Variants in GRM3 observed in about 807,000 individuals in gnomAD.
The protein encoded by GRM3 is metabotropic glutamate receptor 3.
Under a neutral mutation model 70.5 loss-of-function variants are expected in GRM3, and 26 were observed. That is an observed-to-expected ratio of 0.37 (90% CI 0.27 to 0.51). The LOEUF (loss-of-function observed/expected upper bound fraction) is 0.51. Ranked by LOEUF, GRM3 falls within the 20% of genes least tolerant of loss-of-function variation. GRM3 has a pLI of 0.93. For synonymous variants in GRM3, 443 were observed against 434.9 expected, an observed-to-expected ratio of 1.02 and a Z score of -0.23; for missense variants, 859 against 1,123.8, an observed-to-expected ratio of 0.76 and a Z score of 3.37.
intron 1 of GRM3, among the ~76,000 whole-genome samples, chr7:86,704,514 A>C (rs1447533139): frequency 6.6e-6 from 1 of 151,916 alleles, no homozygotes; most frequent in African/African-American, 2.4e-5. Context: ...GCAGTCTTTA[A>C]ATACTGTTCA....
At chr7:86,664,382 T>C (rs1584147924) in intron 1 of GRM3, among the ~76,000 whole-genome samples, 1 of 151,990 alleles carries the variant, frequency 6.6e-6, no homozygotes, top group African/African-American at 2.4e-5. Flanking sequence ...TTGATGTGTT[T>C]ACAGTTGTTC....
intron 2 of GRM3, among the ~76,000 whole-genome samples, chr7:86,767,514 CATATATATATATAT>C (rs3057233): frequency 0.038 from 3,771 of 100,094 alleles, 86 homozygotes; most frequent in South Asian, 0.077. Context: ...GGTCATACTT[CATATATATATATAT>C]ATATATATAT....
intron 1 of GRM3, among the ~76,000 whole-genome samples, chr7:86,682,811 C>T (rs1007541209): frequency 5.3e-5 from 8 of 152,044 alleles, no homozygotes; most frequent in Admixed American, 2.0e-4. Context: ...AGCAAGATTT[C>T]TTTTTTCAAA....
Position 86,670,499 on chromosome 7 carries a change from G to C in GRM3, c.-141+25627G>C, listed in dbSNP as rs564828581. 8.0e-4 allele frequency among the ~76,000 whole-genome samples: 122 copies of C among 152,224 alleles called. No homozygotes were observed. In the Middle Eastern group the frequency reaches 0.02, roughly 25 times the overall value. On this transcript the variant is annotated intron_variant, in intron 1 of 5. Coordinates refer to ENST00000361669, the MANE Select transcript of GRM3 (RefSeq NM_000840.3). Reference sequence around the variant, plus strand: ...TGGAAAGCCAAAAGAATTTCTGCCTGCATATCTTGAGTCCACAAATCCAAT... The same window carrying C: ...TGGAAAGCCAAAAGAATTTCTGCCTCCATATCTTGAGTCCACAAATCCAAT...
chr7:86,765,334 C>A lies in GRM3; in HGVS notation c.189C>A (p.Asp63Glu), dbSNP rs1306171048. 13 of 1,613,830 alleles carry A rather than the reference C, an allele frequency of 8.1e-6. No individual in the cohort carries two copies. The highest frequency in any genetic ancestry group is 1.1e-5 in the Non-Finnish European group (13 of 1,179,858). The change falls in exon 2 of 6, where the codon GAC becomes GAA. Residue 63 changes from aspartate (D) to glutamate (E), a missense_variant. Physicochemically the swap from Asp to Glu is conservative, Grantham distance 45. Transcript: ENST00000361669. Reference protein sequence around the residue: ...GTEECGRINEDRGIQRLEAML... With the variant: ...GTEECGRINEERGIQRLEAML... Reference sequence around the variant, plus strand: ...AAGAATGTGGGCGAATCAATGAAGACCGAGGGATTCAACGCCTGGAAGCCA... The same window carrying A: ...AAGAATGTGGGCGAATCAATGAAGAACGAGGGATTCAACGCCTGGAAGCCA...
At chr7:86,653,288 C>T (rs1223626143) in intron 1 of GRM3, among the ~76,000 whole-genome samples, 2 of 152,214 alleles carry the variant, frequency 1.3e-5, no homozygotes, top group Non-Finnish European at 2.9e-5. Context: ...AACGCAATCA[C>T]ATCGGGAGCT....
intron 1 of GRM3, among the ~76,000 whole-genome samples, chr7:86,663,598 TC>T (rs1456859568): frequency 1.3e-5 from 2 of 151,986 alleles, no homozygotes; most frequent in Non-Finnish European, 2.9e-5. Context: ...TTTATTAAAT[TC>T]AACTGAATTA....
chr7:86,704,563 G>A (rs2116120973), intron 1 of GRM3, among the ~76,000 whole-genome samples: 1 of 151,904 alleles, frequency 6.6e-6, no homozygotes, highest in South Asian at 2.1e-4. Flanking sequence ...TTAGTAGTTT[G>A]CAATACACCA....
intron 5 of GRM3, among the ~76,000 whole-genome samples, chr7:86,862,621 T>C (rs915676113): frequency 1.3e-5 from 2 of 152,162 alleles, no homozygotes; most frequent in Non-Finnish European, 2.9e-5. Flanking sequence ...AGAGTTAGCA[T>C]GTTGCATGAC....
chr7:86,709,348 T>C (rs1215672453), intron 1 of GRM3, among the ~76,000 whole-genome samples: 1 of 152,122 alleles, frequency 6.6e-6, no homozygotes, highest in African/African-American at 2.4e-5. Context: ...CCTACTCCAC[T>C]GCTTCATAGT....
intron 1 of GRM3, among the ~76,000 whole-genome samples, chr7:86,681,494 A>C (rs1461810324): frequency 1.3e-5 from 2 of 152,156 alleles, no homozygotes; most frequent in African/African-American, 4.8e-5. Flanking sequence ...ATAAGGAATG[A>C]ATATGCTCTT....
chr7:86,814,237 T>A (rs913977615), intron 3 of GRM3, among the ~76,000 whole-genome samples: 4 of 151,838 alleles, frequency 2.6e-5, no homozygotes, highest in African/African-American at 9.7e-5. Flanking sequence ...TCTTTTTTCT[T>A]TAATTTTATT....
chr7:86,788,477 C>T (rs2116559834), intron 3 of GRM3, among the ~76,000 whole-genome samples: 1 of 152,306 alleles, frequency 6.6e-6, no homozygotes. Context: ...ATGGATACCA[C>T]TTCTTATCAT....
chr7:86,694,557 AAAT>A (rs1286928089), intron 1 of GRM3, among the ~76,000 whole-genome samples: 1 of 151,548 alleles, frequency 6.6e-6, no homozygotes, highest in African/African-American at 2.4e-5. Context: ...GAAAGAAAGA[AAAT>A]AAAAAAAGAA....
chr7:86,810,296 T>C (rs1311490569), intron 3 of GRM3, among the ~76,000 whole-genome samples: 4 of 152,026 alleles, frequency 2.6e-5, no homozygotes, highest in South Asian at 2.1e-4. Context: ...ACAGTTGTGG[T>C]CATCCTTAAT....
At chr7:86,660,027 A>G (rs918639582) in intron 1 of GRM3, among the ~76,000 whole-genome samples, 1 of 152,068 alleles carries the variant, frequency 6.6e-6, no homozygotes, top group African/African-American at 2.4e-5. Flanking sequence ...GTCCTACTTT[A>G]TTCTTTTACC....
Position 86,839,515 on chromosome 7 carries a change from C to G in GRM3, c.2001C>G (p.Ala667=). ...SALLTKTNCI[A]RIFDGVKNGA... The stretch of plus-strand genomic sequence containing the variant: ...TGCTGACCAAGACAAACTGCATTGC[C>G]CGCATCTTCGATGGGGTCAAGAATG... Residue 667 remains alanine, a synonymous_variant, in exon 4 of 6, where the codon GCC becomes GCG. Coordinates refer to ENST00000361669, the MANE Select transcript of GRM3 (RefSeq NM_000840.3). The surrounding 1 kb of genome is among the most constrained non-coding windows in gnomAD (Gnocchi z 4.5). The G allele has an allele frequency of 6.2e-7, 1 of 1,607,658 alleles. No homozygotes were observed. The highest frequency in any genetic ancestry group is 8.5e-7 in the Non-Finnish European group (1 of 1,176,482).
At chr7:86,735,181 A>C (rs1233408406) in intron 1 of GRM3, among the ~76,000 whole-genome samples, 1 of 152,192 alleles carries the variant, frequency 6.6e-6, no homozygotes, top group Non-Finnish European at 1.5e-5. Context: ...GTTAATGATG[A>C]CAGGATCTTC....
intron 1 of GRM3, among the ~76,000 whole-genome samples, chr7:86,748,068 C>T (rs1000408513): frequency 6.6e-6 from 1 of 151,998 alleles, no homozygotes. Flanking sequence ...CACAAGGAAA[C>T]ATTCTTTTTT....
Sources: allele counts gnomAD v4.1 joint callset (sites outside exome capture counted in the v4.1 genomes callset), GRCh38; gene constraint gnomAD v4.1.1; non-coding constraint Gnocchi (gnomAD v3.1); transcripts MANE v1.5; gene names NCBI Gene and HGNC (gene_info 2026-07-23, HGNC 2026-07-21).